PPP1R16B: variants seen among roughly 807,000 people sequenced by gnomAD.
PPP1R16B encodes the protein protein phosphatase 1 regulatory inhibitor subunit 16B.
PPP1R16B carries 14 observed loss-of-function variants against 61.7 expected under a neutral mutation model. The ratio of observed to expected loss-of-function variants is 0.23; its 90% CI spans 0.15 to 0.35. PPP1R16B has a LOEUF of 0.35. PPP1R16B is among the 10% of genes least tolerant of loss of function. The pLI is 1.00. For missense variants in PPP1R16B, 547 were observed against 752.5 expected (o/e 0.73, Z 3.19); for synonymous variants, 266 against 305.3 (o/e 0.87, Z 1.34).
Position 38,835,914 on chromosome 20 carries a change from AG to A in PPP1R16B, c.-9del. The A allele has an allele frequency of 6.5e-7, 1 of 1,530,814 alleles. No individual in the cohort carries two copies. The allele number at this position is 1,530,814 out of a possible 1,614,324, so 94.8% of individuals were successfully genotyped here. ...CTAGCCCCCAGCCAGGGCGTTGGGG[AG>A]GGCGGTGGCCATGGCCAGTCACGTG... On this transcript the variant is annotated 5_prime_UTR_variant, in exon 2 of 11. Coordinates refer to ENST00000299824, the MANE Select transcript of PPP1R16B (RefSeq NM_015568.4).
intron 2 of PPP1R16B, among the ~76,000 whole-genome samples, chr20:38,864,349 A>T (rs2085076166): frequency 6.6e-6 from 1 of 152,236 alleles, no homozygotes; most frequent in African/African-American, 2.4e-5. Context: ...CATGTGAATT[A>T]TGTCTCAATA....
intron 6 of PPP1R16B, among the ~76,000 whole-genome samples, chr20:38,905,234 A>G (rs989289940): frequency 6.6e-6 from 1 of 152,208 alleles, no homozygotes; most frequent in South Asian, 2.1e-4. Flanking sequence ...GGTGGCTCTC[A>G]TGATATTGCA....
At position 38,824,966 on chromosome 20, in the gene PPP1R16B, C is replaced by T. The variant is rs529571581; in HGVS notation, c.-101-10859C>T. Among the ~76,000 whole-genome samples the T allele has an allele frequency of 7.0e-4, 107 of 152,352 alleles. 1 individual carries two copies. The highest frequency in any genetic ancestry group is 2.2e-3 in the African/African-American group (92 of 41,574). On this transcript the variant is annotated intron_variant, in intron 1 of 10. Coordinates refer to ENST00000299824, the MANE Select transcript of PPP1R16B (RefSeq NM_015568.4). ...CCAAGATCATACTAACACACTCCAGCCTGGGCAACAGAGTGGGACTCTGTA... is the reference window on the plus strand; with the variant it reads ...CCAAGATCATACTAACACACTCCAGTCTGGGCAACAGAGTGGGACTCTGTA...
intron 1 of PPP1R16B, among the ~76,000 whole-genome samples, chr20:38,815,946 T>G (rs76640225): frequency 1.3e-5 from 2 of 152,324 alleles, no homozygotes; most frequent in East Asian, 3.9e-4. Flanking sequence ...GAGAAATGCA[T>G]AAGCTTAGCT....
At chr20:38,880,066 A>C (rs2145751885) in intron 2 of PPP1R16B, among the ~76,000 whole-genome samples, 1 of 152,312 alleles carries the variant, frequency 6.6e-6, no homozygotes, top group East Asian at 1.9e-4. Context: ...GGTAAGCTCC[A>C]TTCACTTCTG....
intron 2 of PPP1R16B, among the ~76,000 whole-genome samples, chr20:38,872,553 C>A (rs889003352): frequency 2.6e-5 from 4 of 152,166 alleles, no homozygotes; most frequent in Non-Finnish European, 5.9e-5. Context: ...TAGACACCCC[C>A]CTCCTGCAGG....
chr20:38,884,755 T>C (rs35350081), intron 2 of PPP1R16B, among the ~76,000 whole-genome samples: 16,074 of 151,002 alleles, frequency 0.11, 1,147 homozygotes, highest in South Asian at 0.26. Context: ...CTGGGCAACA[T>C]AGTGAGGCCC....
intron 5 of PPP1R16B, 152 bp from the exon 6 acceptor site, chr20:38,902,516 G>T: frequency 9.0e-7 from 1 of 1,108,958 alleles, no homozygotes; most frequent in Non-Finnish European, 1.3e-6. Flanking sequence ...GTCTCATCAG[G>T]CCTGAAGACA....
intron 10 of PPP1R16B, among the ~76,000 whole-genome samples, chr20:38,916,894 T>TTA (rs1389387793): frequency 6.6e-6 from 1 of 151,858 alleles, no homozygotes; most frequent in Non-Finnish European, 1.5e-5. Context: ...GTATTAACGA[T>TTA]TAGTGGGGAT....
intron 2 of PPP1R16B, among the ~76,000 whole-genome samples, chr20:38,858,197 T>C (rs1432746774): frequency 2.6e-5 from 4 of 152,146 alleles, no homozygotes; most frequent in Non-Finnish European, 4.4e-5. Flanking sequence ...TCCATCGCAC[T>C]GGGGATAGGG....
At position 38,908,211 on chromosome 20, in the gene PPP1R16B, C is replaced by T. The variant is rs2085462301; in HGVS notation, c.1194+18C>T. ...AGGACCCTGTGAGTGGCCTCACGCC[C>T]TGCCCTAGTGTCAGCCACTGCAATG... On this transcript the variant is annotated intron_variant, in intron 10 of 10. Coordinates refer to ENST00000299824, the MANE Select transcript of PPP1R16B (RefSeq NM_015568.4). The T allele has an allele frequency of 1.2e-6, 2 of 1,613,850 alleles. No homozygotes were observed. Among genetic ancestry groups the T allele is most frequent in the Non-Finnish European group, 8.5e-7 (1 of 1,179,860 alleles).
chr20:38,840,072 C>G (rs2084900009), intron 2 of PPP1R16B, among the ~76,000 whole-genome samples: 1 of 152,216 alleles, frequency 6.6e-6, no homozygotes, highest in Non-Finnish European at 1.5e-5. Flanking sequence ...TTAGGGTCCA[C>G]AGTTGCCTGG....
At chr20:38,887,663 G>A (rs927845025) in intron 2 of PPP1R16B, among the ~76,000 whole-genome samples, 2 of 152,230 alleles carry the variant, frequency 1.3e-5, no homozygotes, top group Non-Finnish European at 2.9e-5. Flanking sequence ...ATGTTAATTC[G>A]TTTAAGCAGC....
chr20:38,888,889 A>T (rs2085268184), intron 2 of PPP1R16B, among the ~76,000 whole-genome samples: 1 of 146,232 alleles, frequency 6.8e-6, no homozygotes. Context: ...ACACACACAC[A>T]CACACACACA....
intron 1 of PPP1R16B, among the ~76,000 whole-genome samples, chr20:38,832,819 G>C (rs1316797672): frequency 6.6e-6 from 1 of 151,736 alleles, no homozygotes; most frequent in Non-Finnish European, 1.5e-5. Context: ...TTGGGAGGCT[G>C]AGGTGGGAGA....
At chr20:38,822,504 C>CTTTTTTTT (rs972450839) in intron 1 of PPP1R16B, among the ~76,000 whole-genome samples, 3 of 104,188 alleles carry the variant, frequency 2.9e-5, no homozygotes, top group Non-Finnish European at 3.9e-5. Flanking sequence ...GCCTTCCAAT[C>CTTTTTTTT]TTTTTTTTTT....
In PPP1R16B at chr20:38,893,599, G is replaced by A. The variant is rs560135951; in HGVS notation, c.322-1966G>A. On this transcript the variant is annotated intron_variant, in intron 3 of 10. Transcript: ENST00000299824. ...AAGTGGGAGGAGGCGGGAGGAGGCG[G>A]GAGGAGGCGGCTGACTGCCAGGTGC... 4.6e-5 allele frequency among the ~76,000 whole-genome samples: 7 copies of A among 152,132 alleles called. No homozygotes were observed. In the South Asian group the frequency reaches 8.3e-4, roughly 18 times the overall value.
At position 38,907,134 on chromosome 20, in the gene PPP1R16B, A is replaced by G. The variant is rs1474271997; in HGVS notation, c.898+80A>G. On this transcript the variant is annotated intron_variant, in intron 8 of 10. Transcript: ENST00000299824. This position sits in a 1 kb window ranked among gnomAD's most constrained non-coding sequence, Gnocchi z 4.5. ...TGGGTAGAGGGAGAAATAGATAAAT[A>G]TATGGTTGTATAGATTGATGGATTG... 9 of 1,118,878 alleles carry G rather than the reference A, an allele frequency of 8.0e-6. No individual in the cohort carries two copies. The highest frequency in any genetic ancestry group is 2.0e-4 in the Middle Eastern group (1 of 5,106). 69.3% of individuals were successfully genotyped at this position (1,118,878 alleles called of 1,614,324 possible).
chr20:38,835,676 C>T, intron 1 of PPP1R16B, 149 bp from the exon 2 acceptor site: 1 of 484,490 alleles, frequency 2.1e-6, no homozygotes, highest in Non-Finnish European at 3.6e-6. Flanking sequence ...CTGATACTTA[C>T]AGGGCCACTG....
Sources: gnomAD v4.1 joint callset for allele counts (sites outside exome capture counted in the v4.1 genomes callset) on GRCh38, gnomAD v4.1.1 for gene constraint, Gnocchi (gnomAD v3.1) non-coding constraint, MANE v1.5 for transcripts, NCBI Gene and HGNC (gene_info 2026-07-23, HGNC 2026-07-21) for gene names.